PLD1: variants seen among roughly 807,000 people sequenced by gnomAD.
PLD1 encodes the protein phospholipase D1.
PLD1 carries 112 observed loss-of-function variants against 137.1 expected under a neutral mutation model. The observed-to-expected ratio is 0.82, with a 90% CI of 0.70 to 0.96. PLD1 has a LOEUF of 0.96. Ranked by LOEUF, PLD1 falls within the 40% of genes least tolerant of loss-of-function variation. The probability of loss-of-function intolerance (pLI) is 0.00; values close to 1 mark genes in which losing one functional copy is unlikely to be tolerated. For synonymous variants in PLD1, 431 were observed against 454.7 expected, an observed-to-expected ratio of 0.95 and a Z score of 0.66; for missense variants, 1,321 against 1,342.0, an observed-to-expected ratio of 0.98 and a Z score of 0.24.
At chr3:171,696,801 T>C (rs1715735269) in intron 12 of PLD1, among the ~76,000 whole-genome samples, 2 of 152,186 alleles carry the variant, frequency 1.3e-5, no homozygotes. Context: ...CACCAAGAAA[T>C]CAATCTTTAA....
Position 171,639,696 on chromosome 3 carries a change from TAATA to T in PLD1, c.2593+3140_2593+3143del, listed in dbSNP as rs1333961003. ...ATATTATATATAATACCTATTCATATAATATATATTATATAAATATATAAACATA... is the reference window on the plus strand; with the variant it reads ...ATATTATATATAATACCTATTCATATTATATTATATAAATATATAAACATA... On this transcript the variant is annotated intron_variant, in intron 23 of 26. Coordinates refer to ENST00000351298, the MANE Select transcript of PLD1 (RefSeq NM_002662.5). Among the ~76,000 whole-genome samples the T allele has an allele frequency of 3.6e-3, 468 of 128,460 alleles. 4 individuals carry two copies. Among genetic ancestry groups the T allele is most frequent in the African/African-American group, 0.013 (445 of 33,472 alleles). The allele number at this position is 128,460 out of a possible 152,430, so 84.3% of individuals were successfully genotyped here.
At chr3:171,700,320 AC>A (rs1351190504) in intron 11 of PLD1, among the ~76,000 whole-genome samples, 3 of 150,288 alleles carry the variant, frequency 2.0e-5, no homozygotes, top group Non-Finnish European at 4.4e-5. Context: ...ACACAAACAC[AC>A]ACACACACAC....
At chr3:171,662,264 G>A (rs941016567) in intron 19 of PLD1, 94 bp from the exon 20 acceptor site, 48 of 707,764 alleles carry the variant, frequency 6.8e-5, no homozygotes, top group Admixed American at 2.3e-4. Flanking sequence ...TCTTCCAGAC[G>A]ACTGAATGAT....
intron 24 of PLD1, among the ~76,000 whole-genome samples, chr3:171,613,703 T>C (rs975964425): frequency 2.6e-5 from 4 of 152,192 alleles, no homozygotes; most frequent in African/African-American, 9.7e-5. Context: ...ATTTTTTTTT[T>C]TAAATCCAAG....
chr3:171,725,149 C>T (rs900245973), intron 7 of PLD1, among the ~76,000 whole-genome samples: 54 of 152,158 alleles, frequency 3.5e-4, no homozygotes, highest in African/African-American at 1.3e-3. Context: ...GTAACAAACC[C>T]GCACGTTGTG....
At chr3:171,783,296 T>C (rs547403061) in intron 1 of PLD1, among the ~76,000 whole-genome samples, 3 of 152,142 alleles carry the variant, frequency 2.0e-5, no homozygotes, top group African/African-American at 7.2e-5. Context: ...CTCCGTGGTT[T>C]GGAAGAAAGT....
chr3:171,782,738 G>A (rs1722841366), intron 1 of PLD1, among the ~76,000 whole-genome samples: 1 of 152,174 alleles, frequency 6.6e-6, no homozygotes, highest in South Asian at 2.1e-4. Flanking sequence ...ACTTATCAGA[G>A]TTTTGCTTTA....
chr3:171,617,061 A>T (rs1733174400), intron 24 of PLD1, among the ~76,000 whole-genome samples: 1 of 152,214 alleles, frequency 6.6e-6, no homozygotes. Flanking sequence ...CTTTTTAAAA[A>T]ATACTGATGC....
At chr3:171,654,643 T>C (rs1737045078) in intron 21 of PLD1, among the ~76,000 whole-genome samples, 1 of 152,202 alleles carries the variant, frequency 6.6e-6, no homozygotes, top group Non-Finnish European at 1.5e-5. Flanking sequence ...TAGTCAAACA[T>C]GGCATAAAAC....
rs1721814342 is a variant in PLD1, at chr3:171,764,925, GAAAGAAAGGAAAGAAAGAAAGA to G, written c.-31-26865_-31-26844del. Among the ~76,000 whole-genome samples the G allele has an allele frequency of 1.0e-3, 28 of 28,068 alleles. 2 individuals are homozygous for G. The highest frequency in any genetic ancestry group is 3.6e-3 in the African/African-American group (25 of 6,948). The allele number at this position is 28,068 out of a possible 152,430, so 18.4% of individuals were successfully genotyped here. On this transcript the variant is annotated intron_variant, in intron 1 of 26. Transcript: ENST00000351298. Reference sequence around the variant, plus strand: ...GAAGGAAGGAAGGAAAGAAAGAAAGGAAAGAAAGGAAAGAAAGAAAGAAAGAAAGAAAGAAAGAAAGAAAGAA... The same window carrying G: ...GAAGGAAGGAAGGAAAGAAAGAAAGGAAGAAAGAAAGAAAGAAAGAAAGAA...
chr3:171,634,545 A>C (rs1258330574), intron 23 of PLD1, among the ~76,000 whole-genome samples: 2 of 152,182 alleles, frequency 1.3e-5, no homozygotes, highest in Non-Finnish European at 2.9e-5. Flanking sequence ...AACTTTTGGA[A>C]GTATTCATTA....
chr3:171,764,063 C>A (rs1185225158), intron 1 of PLD1, among the ~76,000 whole-genome samples: 1 of 152,092 alleles, frequency 6.6e-6, no homozygotes, highest in Non-Finnish European at 1.5e-5. Context: ...CGTTGAACTC[C>A]TGGCCTCAAG....
intron 16 of PLD1, among the ~76,000 whole-genome samples, chr3:171,685,245 T>G (rs189000994): frequency 1.8e-4 from 28 of 152,266 alleles, no homozygotes; most frequent in African/African-American, 6.0e-4. Context: ...CTGCCCTAGA[T>G]GAAAGAATGC....
At chr3:171,778,050 T>C (rs1722649454) in intron 1 of PLD1, among the ~76,000 whole-genome samples, 1 of 152,250 alleles carries the variant, frequency 6.6e-6, no homozygotes, top group Non-Finnish European at 1.5e-5. Context: ...ATTGCATTCA[T>C]ATATGTATTT....
chr3:171,659,099 A>G (rs1737446546), intron 21 of PLD1, 114 bp downstream of exon 21: 1 of 744,074 alleles, frequency 1.3e-6, no homozygotes, highest in Non-Finnish European at 2.4e-6. Context: ...TGCTGGCTGA[A>G]CCAAATTTAA....
At chr3:171,632,726 A>T (rs1384928489) in intron 23 of PLD1, among the ~76,000 whole-genome samples, 1 of 152,250 alleles carries the variant, frequency 6.6e-6, no homozygotes. Flanking sequence ...AAGCTGTTCT[A>T]TAAATTTGAG....
intron 16 of PLD1, among the ~76,000 whole-genome samples, chr3:171,683,257 G>A (rs553258877): frequency 6.6e-6 from 1 of 152,212 alleles, no homozygotes; most frequent in East Asian, 1.9e-4. Context: ...GTCACCATTT[G>A]CCACCCTGGT....
At chr3:171,668,007 C>T (rs1712329705) in intron 19 of PLD1, among the ~76,000 whole-genome samples, 1 of 152,200 alleles carries the variant, frequency 6.6e-6, no homozygotes, top group Non-Finnish European at 1.5e-5. Flanking sequence ...CCACCTTGGC[C>T]TCCCAAAGTG....
intron 1 of PLD1, among the ~76,000 whole-genome samples, chr3:171,764,828 AAAGAAAGAAAGAAAGAAAG>A (rs1560287848): frequency 0.027 from 688 of 25,810 alleles, 100 homozygotes; most frequent in African/African-American, 0.035. Context: ...AAAGAAAGAG[AAAGAAAGAAAGAAAGAAAG>A]AAAGAAAGAA....
Sources: gnomAD v4.1 joint callset for allele counts (sites outside exome capture counted in the v4.1 genomes callset) on GRCh38, gnomAD v4.1.1 for gene constraint, MANE v1.5 for transcripts, NCBI Gene and HGNC (gene_info 2026-07-23, HGNC 2026-07-21) for gene names.